Variants in ENOSF1 observed in about 807,000 individuals in gnomAD.
ENOSF1 encodes mitochondrial enolase superfamily member 1.
ENOSF1 carries 73 observed loss-of-function variants against 68.2 expected under a neutral mutation model. The ratio of observed to expected loss-of-function variants is 1.07; its 90% confidence interval spans 0.89 to 1.30. ENOSF1 has a LOEUF of 1.30. Ranked by LOEUF, ENOSF1 falls within the 50% of genes most tolerant of loss-of-function variation. The pLI is 0.00. For synonymous variants in ENOSF1, 223 were observed against 210.4 expected (o/e 1.06, Z -0.52); for missense variants, 589 against 554.5 (o/e 1.06, Z -0.62).
chr18:706,029 AT>A (rs2078894105), intron 2 of ENOSF1, among the ~76,000 whole-genome samples: 1 of 152,030 alleles, frequency 6.6e-6, no homozygotes, highest in South Asian at 2.1e-4. Context: ...ACATATATAT[AT>A]TGAAAAGCGA....
chr18:682,304 C>T (rs2076153940), intron 11 of ENOSF1, among the ~76,000 whole-genome samples: 1 of 152,150 alleles, frequency 6.6e-6, no homozygotes, highest in Non-Finnish European at 1.5e-5. Context: ...AGGCTACAAA[C>T]CTGTACAGCA....
downstream of ENOSF1, among the ~76,000 whole-genome samples, chr18:667,029 T>C (rs371001141): frequency 3.5e-4 from 4 of 11,296 alleles, 2 homozygotes; most frequent in African/African-American, 2.2e-3. Flanking sequence ...ATGGAGATGG[T>C]GATGGAGATG....
chr18:690,811 G>A lies in ENOSF1; in HGVS notation c.536-180C>T, dbSNP rs1472971597. 31 of 1,457,644 alleles carry A rather than the reference G, an allele frequency of 2.1e-5. 1 individual carries two copies. The highest frequency in any genetic ancestry group is 1.6e-4 in the South Asian group (11 of 69,982). The allele number at this position is 1,457,644 out of a possible 1,614,324, so 90.3% of individuals were successfully genotyped here. On this transcript the variant is annotated intron_variant, in intron 7 of 15. Transcript: ENST00000647584. ...ACCCAGGTGATCAGGATACTCTCACGGACTGCCCTGCTCCCCCAGGGCTCT... is the reference window on the plus strand; with the variant it reads ...ACCCAGGTGATCAGGATACTCTCACAGACTGCCCTGCTCCCCCAGGGCTCT...
At chr18:705,279 C>T (rs1165595714) in intron 2 of ENOSF1, among the ~76,000 whole-genome samples, 2 of 152,326 alleles carry the variant, frequency 1.3e-5, no homozygotes, top group South Asian at 2.1e-4. Context: ...CATAATTTGG[C>T]TTCAGGCTCT....
At position 677,860 on chromosome 18, in the gene ENOSF1, C is replaced by G. The variant is rs543122758; in HGVS notation, c.931G>C (p.Val311Leu). 20 of 1,613,426 alleles carry G rather than the reference C, an allele frequency of 1.2e-5. No individual in the cohort carries two copies. In the African/African-American group the frequency reaches 1.7e-4, roughly 14 times the overall value. ...IATGEQCHNR[V>L]IFKQLLQAKA... ...GCCTGTAGGAGTTGCTTAAATATCA[C>G]TCTATTGTGGCACTGGAAATAGAAT... The change falls in exon 13 of 16, where the codon GTG becomes CTG. Residue 311 changes from valine to leucine, a missense_variant. Coordinates refer to ENST00000647584, the MANE Select transcript of ENOSF1 (RefSeq NM_017512.7).
At chr18:702,457 C>T (rs148947454) in intron 2 of ENOSF1, among the ~76,000 whole-genome samples, 1 of 152,032 alleles carries the variant, frequency 6.6e-6, no homozygotes, top group Non-Finnish European at 1.5e-5. Context: ...CATCTGTAGT[C>T]CCAGCTACTT....
intron 1 of ENOSF1, among the ~76,000 whole-genome samples, chr18:711,102 C>T (rs1356932810): frequency 2.0e-5 from 3 of 151,950 alleles, no homozygotes; most frequent in Non-Finnish European, 4.4e-5. Context: ...TCAGGGAGGT[C>T]AAGGCTGCTG....
At chr18:712,227 GA>G in intron 1 of ENOSF1, 1 of 1,501,576 alleles carries the variant, frequency 6.7e-7, no homozygotes. Context: ...TCCAAGGCAT[GA>G]AAAGCGAGTG....
chr18:667,564 GTGATGGAGATGGT>G (rs1399796977), downstream of ENOSF1, among the ~76,000 whole-genome samples: 1 of 92,376 alleles, frequency 1.1e-5, no homozygotes, highest in African/African-American at 7.2e-5. Flanking sequence ...GATGGTGATG[GTGATGGAGATGGT>G]GATGGTGATG....
At chr18:696,176 C>T (rs186087640) in intron 3 of ENOSF1, among the ~76,000 whole-genome samples, 2 of 145,586 alleles carry the variant, frequency 1.4e-5, no homozygotes, top group Non-Finnish European at 3.0e-5. Context: ...AATGTTTTCT[C>T]TTTAATGACC....
intron 10 of ENOSF1, among the ~76,000 whole-genome samples, chr18:683,794 AAT>A (rs1303570214): frequency 6.6e-6 from 1 of 152,116 alleles, no homozygotes; most frequent in Non-Finnish European, 1.5e-5. Context: ...TTGTTTGTTC[AAT>A]AGTCATTTAT....
chr18:688,372 C>T, intron 9 of ENOSF1: 1 of 578,066 alleles, frequency 1.7e-6, no homozygotes, highest in Non-Finnish European at 3.1e-6. Flanking sequence ...ACTCTGATGG[C>T]CTATAATTCT....
In ENOSF1 at chr18:677,375, T is replaced by C. The variant is rs1383756870; in HGVS notation, c.1118A>G (p.Tyr373Cys). Residue 373 changes from tyrosine (Y) to cysteine (C), a missense_variant, in exon 14 of 16, where the codon TAC becomes TGC. Physicochemically the swap from Tyr to Cys is radical, Grantham distance 194 (BLOSUM62 -2). Coordinates refer to ENST00000647584, the MANE Select transcript of ENOSF1 (RefSeq NM_017512.7). ...ELVQHLIIFD[Y>C]ISVSASLENR... ...TTCAAGGCTTGCAGAAACTGATATGTAGTCAAATATAATCAGGTGCTGCAC... is the reference window on the plus strand; with the variant it reads ...TTCAAGGCTTGCAGAAACTGATATGCAGTCAAATATAATCAGGTGCTGCAC... The C allele has an allele frequency of 1.2e-6, 2 of 1,613,612 alleles. No individual in the cohort carries two copies. The highest frequency in any genetic ancestry group is 3.3e-5 in the Admixed American group (2 of 59,852).
chr18:686,250 G>C (rs1198163965), intron 9 of ENOSF1: 4 of 477,830 alleles, frequency 8.4e-6, no homozygotes, highest in South Asian at 3.5e-5. Context: ...GAGCTAGACA[G>C]GGAAGTCAGG....
intron 11 of ENOSF1, among the ~76,000 whole-genome samples, chr18:680,452 G>C (rs1045068861): frequency 6.6e-6 from 1 of 152,134 alleles, no homozygotes; most frequent in African/African-American, 2.4e-5. Context: ...GGCAGACTAG[G>C]GGCCAAATGT....
chr18:692,865 G>A, intron 5 of ENOSF1: 4 of 1,097,532 alleles, frequency 3.6e-6, no homozygotes, highest in Non-Finnish European at 4.5e-6. Context: ...ACAGCCTCCT[G>A]TCTTCACTTT....
At chr18:691,962 G>A (rs1000334068) in intron 5 of ENOSF1, 1 of 152,448 alleles carries the variant, frequency 6.6e-6, no homozygotes. Flanking sequence ...TGAGCTATGA[G>A]GCTGGAGATG....
At chr18:690,300 T>C (rs556624343) in intron 8 of ENOSF1, among the ~76,000 whole-genome samples, 2 of 152,346 alleles carry the variant, frequency 1.3e-5, no homozygotes, top group East Asian at 1.9e-4. Context: ...AGGGCAGTCC[T>C]GTAAGACTGA....
intron 3 of ENOSF1, among the ~76,000 whole-genome samples, chr18:696,277 TCTCGG>T (rs2077719589): frequency 6.8e-6 from 1 of 147,930 alleles, no homozygotes; most frequent in African/African-American, 2.5e-5. Context: ...AGTGGTGCGA[TCTCGG>T]CTCACTGCAA....
Sources: allele counts gnomAD v4.1 joint callset (sites outside exome capture counted in the v4.1 genomes callset), GRCh38; gene constraint gnomAD v4.1.1; transcripts MANE v1.5; gene names NCBI Gene and HGNC (gene_info 2026-07-23, HGNC 2026-07-21).